ROPN1L: variants seen among roughly 807,000 people sequenced by gnomAD.
ROPN1L encodes the protein rhophilin associated tail protein 1 like, also known as ropporin-1-like protein.
A neutral mutation model predicts 22.7 loss-of-function variants in ROPN1L; 23 were observed. The ratio of observed to expected loss-of-function variants is 1.01; its 90% CI spans 0.73 to 1.43. The LOEUF (loss-of-function observed/expected upper bound fraction) is 1.43. Ranked by LOEUF, ROPN1L falls within the 40% of genes most tolerant of loss-of-function variation. The pLI is 0.00. For missense variants in ROPN1L, 271 were observed against 291.5 expected, an observed-to-expected ratio of 0.93 and a Z score of 0.51; for synonymous variants, 116 against 117.8, an observed-to-expected ratio of 0.98 and a Z score of 0.10.
downstream of ROPN1L, among the ~76,000 whole-genome samples, chr5:10,473,073 C>T (rs1049455348): frequency 6.6e-6 from 1 of 152,244 alleles, no homozygotes; most frequent in African/African-American, 2.4e-5. Context: ...GGCAAGTCCC[C>T]CTCCAGGCTT....
intron 4 of ROPN1L, chr5:10,471,764 A>G (rs1266882111): frequency 6.6e-6 from 1 of 152,464 alleles, no homozygotes; most frequent in Non-Finnish European, 1.5e-5. Flanking sequence ...ACTGGGGGAT[A>G]AATACCCTCC....
the ROPN1L span, among the ~76,000 whole-genome samples, chr5:10,481,377 G>C: frequency 5.9e-5 from 9 of 152,340 alleles, no homozygotes; most frequent in East Asian, 1.7e-3. Flanking sequence ...CAAAAGCCTT[G>C]TTTGTGTCCC....
downstream of ROPN1L, among the ~76,000 whole-genome samples, chr5:10,476,998 C>T (rs1049791208): frequency 6.6e-6 from 1 of 152,216 alleles, no homozygotes; most frequent in Non-Finnish European, 1.5e-5. Flanking sequence ...GCTTTGCAGA[C>T]ATGCAGTCTC....
chr5:10,462,923 TAA>T (rs1735065635), intron 4 of ROPN1L, among the ~76,000 whole-genome samples: 1 of 151,862 alleles, frequency 6.6e-6, no homozygotes, highest in African/African-American at 2.4e-5. Context: ...ATAATAATAA[TAA>T]TAACTTAAAA....
rs550565625 is a variant in ROPN1L, at chr5:10,455,572, TGGGCCGCTGATGC to T, written c.417+5469_417+5481del. ...TTGCCCTGTCCGCTGGAGATTCCCA[TGGGCCGCTGATGC>T]GGGCCGCTGTGGCCTCCCCATCCCT... On this transcript the variant is annotated intron_variant, in intron 3 of 4. Transcript: ENST00000274134. 1.6e-3 allele frequency among the ~76,000 whole-genome samples: 248 copies of T among 152,320 alleles called. 1 individual carries two copies. Among genetic ancestry groups the T allele is most frequent in the Middle Eastern group, 6.8e-3 (2 of 294 alleles).
downstream of ROPN1L, among the ~76,000 whole-genome samples, chr5:10,465,628 T>G (rs1030370771): frequency 2.0e-5 from 3 of 151,648 alleles, no homozygotes; most frequent in Non-Finnish European, 2.9e-5. Context: ...GGTGGGAGGA[T>G]CACTTGAGTC....
At chr5:10,443,856 C>T (rs939471415) in intron 1 of ROPN1L, among the ~76,000 whole-genome samples, 1 of 152,194 alleles carries the variant, frequency 6.6e-6, no homozygotes, top group African/African-American at 2.4e-5. Context: ...CTTCAAATCT[C>T]CCTCTGCCTC....
chr5:10,473,810 G>T (rs1214031234), downstream of ROPN1L, among the ~76,000 whole-genome samples: 1 of 152,138 alleles, frequency 6.6e-6, no homozygotes, highest in Non-Finnish European at 1.5e-5. Context: ...TGGCTCATTT[G>T]GAGGATAAGA....
At chr5:10,444,137 C>T (rs988644815) in intron 1 of ROPN1L, among the ~76,000 whole-genome samples, 3 of 152,126 alleles carry the variant, frequency 2.0e-5, no homozygotes, top group Admixed American at 6.6e-5. Flanking sequence ...AGAAATATAG[C>T]CTCTGGTTTT....
chr5:10,470,343 G>T (rs1323982367), intron 4 of ROPN1L, among the ~76,000 whole-genome samples: 1 of 152,190 alleles, frequency 6.6e-6, no homozygotes, highest in Non-Finnish European at 1.5e-5. Context: ...GACAGAAGTA[G>T]GATTAACCCC....
chr5:10,462,110 C>G (rs1735043864), intron 4 of ROPN1L, among the ~76,000 whole-genome samples: 1 of 152,222 alleles, frequency 6.6e-6, no homozygotes, highest in Non-Finnish European at 1.5e-5. Flanking sequence ...CAAGGTTGGG[C>G]TGGGCTGAAA....
At chr5:10,457,164 A>C (rs1364714962) in intron 3 of ROPN1L, among the ~76,000 whole-genome samples, 2 of 152,174 alleles carry the variant, frequency 1.3e-5, no homozygotes, top group African/African-American at 4.8e-5. Context: ...CAGGTTCTGC[A>C]CTTTTCCTAG....
chr5:10,445,609 A>G (rs959011490), intron 1 of ROPN1L, among the ~76,000 whole-genome samples: 9 of 152,154 alleles, frequency 5.9e-5, no homozygotes, highest in African/African-American at 2.2e-4. Context: ...AAACCAGGAT[A>G]CCCACGGACA....
chr5:10,469,335 A>C (rs951180459), downstream of ROPN1L, among the ~76,000 whole-genome samples: 6 of 148,064 alleles, frequency 4.1e-5, no homozygotes, highest in Admixed American at 6.7e-5. Context: ...AAAAAAAAAA[A>C]AATCAGCTGG....
chr5:10,463,574 C>T (rs1451116295), intron 4 of ROPN1L, among the ~76,000 whole-genome samples: 1 of 152,210 alleles, frequency 6.6e-6, no homozygotes, highest in Non-Finnish European at 1.5e-5. Context: ...CGGCACTTCC[C>T]CTTGGGACCA....
intron 1 of ROPN1L, among the ~76,000 whole-genome samples, chr5:10,447,227 G>C (rs942987078): frequency 6.6e-6 from 1 of 152,204 alleles, no homozygotes; most frequent in South Asian, 2.1e-4. Context: ...CTTCAGCATC[G>C]CCACCTCTGG....
the ROPN1L span, among the ~76,000 whole-genome samples, chr5:10,480,301 A>C: frequency 6.6e-6 from 1 of 152,174 alleles, no homozygotes; most frequent in Non-Finnish European, 1.5e-5. Context: ...TCTATGTGCC[A>C]GGCAATTGAT....
At chr5:10,459,474 A>G (rs1734968492) in intron 3 of ROPN1L, among the ~76,000 whole-genome samples, 4 of 151,962 alleles carry the variant, frequency 2.6e-5, no homozygotes, top group African/African-American at 7.3e-5. Flanking sequence ...ACACCTTCCC[A>G]TAGACCCCAG....
intron 1 of ROPN1L, among the ~76,000 whole-genome samples, chr5:10,445,127 C>T (rs1192733792): frequency 2.6e-5 from 4 of 152,014 alleles, no homozygotes; most frequent in East Asian, 3.9e-4. Context: ...CGTGCCACCA[C>T]GCCCAGCTAA....
Sources: allele counts gnomAD v4.1 joint callset (sites outside exome capture counted in the v4.1 genomes callset), GRCh38; gene constraint gnomAD v4.1.1; transcripts MANE v1.5; gene names NCBI Gene and HGNC (gene_info 2026-07-23, HGNC 2026-07-21).